Variants in GRIP1 observed in about 807,000 individuals in gnomAD.
GRIP1 encodes glutamate receptor interacting protein 1.
A neutral mutation model predicts 129.9 loss-of-function variants in GRIP1; 45 were observed. The ratio of observed to expected loss-of-function variants is 0.35; its 90% CI spans 0.27 to 0.44. The LOEUF is 0.44. Among genes scored for constraint, GRIP1 ranks in the 20% least tolerant of loss-of-function variants. GRIP1 has a pLI of 1.00. For synonymous variants in GRIP1, 530 were observed against 520.8 expected, an observed-to-expected ratio of 1.02 and a Z score of -0.24; for missense variants, 1,196 against 1,396.8, an observed-to-expected ratio of 0.86 and a Z score of 2.29.
intron 1 of GRIP1, among the ~76,000 whole-genome samples, chr12:66,850,864 T>C (rs1254831463): frequency 6.6e-6 from 1 of 151,500 alleles, no homozygotes; most frequent in Non-Finnish European, 1.5e-5. Flanking sequence ...TCTCTCCTGG[T>C]AATGTCTCCT....
At chr12:66,499,628 T>C (rs2060333052) in intron 7 of GRIP1, among the ~76,000 whole-genome samples, 1 of 152,084 alleles carries the variant, frequency 6.6e-6, no homozygotes, top group African/African-American at 2.4e-5. Flanking sequence ...GCAGAGACTA[T>C]AGGAAGCATC....
chr12:66,537,503 T>C (rs2061640218), intron 4 of GRIP1, among the ~76,000 whole-genome samples: 1 of 131,694 alleles, frequency 7.6e-6, no homozygotes, highest in Non-Finnish European at 1.6e-5. Context: ...TTTTCATGCT[T>C]CAGAAATGGA....
chr12:67,003,802 G>A (rs1431493852), intron 1 of GRIP1, among the ~76,000 whole-genome samples: 1 of 152,086 alleles, frequency 6.6e-6, no homozygotes, highest in African/African-American at 2.4e-5. Context: ...TCAAAAGAAA[G>A]AAAATAGACA....
chr12:66,518,340 T>C (rs781406900), intron 5 of GRIP1, among the ~76,000 whole-genome samples: 22 of 151,978 alleles, frequency 1.4e-4, no homozygotes, highest in Non-Finnish European at 2.8e-4. Context: ...TCTAAAATAC[T>C]GGTCAGTAGG....
At chr12:66,432,525 T>G (rs781286878) in intron 14 of GRIP1, 23 bp downstream of exon 14, 2 of 1,396,868 alleles carry the variant, frequency 1.4e-6, no homozygotes, top group African/African-American at 2.8e-5. Context: ...AAAAATTATT[T>G]AAAAGAAATA....
intron 1 of GRIP1, among the ~76,000 whole-genome samples, chr12:66,867,602 G>A (rs950342571): frequency 1.1e-4 from 17 of 152,086 alleles, no homozygotes; most frequent in Admixed American, 2.0e-4. Context: ...TAATTATCTT[G>A]TCAACATCTA....
chr12:66,608,357 C>T (rs2064633579), intron 1 of GRIP1, among the ~76,000 whole-genome samples: 1 of 152,092 alleles, frequency 6.6e-6, no homozygotes, highest in South Asian at 2.1e-4. Context: ...TTGTTTTCAA[C>T]AGTCTTGCTC....
At chr12:66,497,900 A>T (rs928800258) in intron 7 of GRIP1, among the ~76,000 whole-genome samples, 2 of 152,088 alleles carry the variant, frequency 1.3e-5, no homozygotes, top group Non-Finnish European at 1.5e-5. Context: ...ACCTTAACTG[A>T]TGACATTCCA....
intron 1 of GRIP1, among the ~76,000 whole-genome samples, chr12:66,983,172 G>A (rs1397849875): frequency 6.6e-6 from 1 of 152,064 alleles, no homozygotes; most frequent in Non-Finnish European, 1.5e-5. Context: ...CCTTTCTCTT[G>A]ACATTTTGTT....
intron 16 of GRIP1, 145 bp downstream of exon 16, chr12:66,406,138 C>A: frequency 1.4e-6 from 1 of 709,828 alleles, no homozygotes; most frequent in South Asian, 1.8e-5. Context: ...ACACTCTCAG[C>A]ACAAAATTTA....
At chr12:66,778,969 C>T (rs968779493) in intron 1 of GRIP1, among the ~76,000 whole-genome samples, 2 of 152,206 alleles carry the variant, frequency 1.3e-5, no homozygotes, top group East Asian at 1.9e-4. Flanking sequence ...AACTCTATCC[C>T]GTTAATGTGA....
At chr12:66,844,876 A>T (rs2039785700) in intron 1 of GRIP1, among the ~76,000 whole-genome samples, 1 of 152,206 alleles carries the variant, frequency 6.6e-6, no homozygotes, top group Non-Finnish European at 1.5e-5. Flanking sequence ...AAGAAATATC[A>T]CATGATTCCA....
intron 7 of GRIP1, among the ~76,000 whole-genome samples, chr12:66,486,426 T>C (rs978207923): frequency 6.6e-6 from 1 of 152,206 alleles, no homozygotes; most frequent in Non-Finnish European, 1.5e-5. Flanking sequence ...CCAAATCTCA[T>C]CTTGAATTGT....
At chr12:66,581,030 T>C (rs1449757022) in intron 2 of GRIP1, among the ~76,000 whole-genome samples, 2 of 152,096 alleles carry the variant, frequency 1.3e-5, no homozygotes, top group African/African-American at 4.8e-5. Context: ...TCAGGAAATG[T>C]AAAAGAACAG....
chr12:66,587,341 A>G (rs960376641), intron 2 of GRIP1, among the ~76,000 whole-genome samples: 1 of 152,200 alleles, frequency 6.6e-6, no homozygotes, highest in African/African-American at 2.4e-5. Context: ...TGGCCTTTGG[A>G]GGCAATGGAG....
intron 23 of GRIP1, among the ~76,000 whole-genome samples, chr12:66,359,159 T>A (rs535046610): frequency 1.3e-5 from 2 of 152,186 alleles, no homozygotes; most frequent in Non-Finnish European, 1.5e-5. Flanking sequence ...GTTGGGAAAG[T>A]GCATCAGCTT....
chr12:66,414,928 CTTA>C (rs576724368), intron 15 of GRIP1, among the ~76,000 whole-genome samples: 1 of 68,646 alleles, frequency 1.5e-5, no homozygotes, highest in African/African-American at 6.4e-5. Flanking sequence ...TTCCTTACAC[CTTA>C]TATAAAATAA....
chr12:66,620,387 C>T (rs118046803), intron 1 of GRIP1, among the ~76,000 whole-genome samples: 187 of 152,216 alleles, frequency 1.2e-3, no homozygotes, highest in Middle Eastern at 6.8e-3. Flanking sequence ...TTCCCTGTAC[C>T]CAAAAGGACA....
chr12:66,634,564 T>G (rs774530683), intron 1 of GRIP1, among the ~76,000 whole-genome samples: 85 of 152,232 alleles, frequency 5.6e-4, no homozygotes, highest in Non-Finnish European at 1.2e-3. Context: ...GAATTGGAAA[T>G]GAACTAAGTT....
Sources: gnomAD v4.1 joint callset for allele counts (sites outside exome capture counted in the v4.1 genomes callset) on GRCh38, gnomAD v4.1.1 for gene constraint, MANE v1.5 for transcripts, NCBI Gene and HGNC (gene_info 2026-07-23, HGNC 2026-07-21) for gene names.